Variants in RPN2 observed in about 807,000 individuals in gnomAD.
The protein encoded by RPN2 is dolichyl-diphosphooligosaccharide--protein glycosyltransferase subunit 2.
RPN2 carries 29 observed loss-of-function variants against 71.4 expected under a neutral mutation model. That is an observed-to-expected ratio of 0.41 (90% CI 0.30 to 0.55). The LOEUF (loss-of-function observed/expected upper bound fraction) is 0.55. RPN2 is among the 20% of genes least tolerant of loss of function. The probability of loss-of-function intolerance (pLI) is 0.35; values close to 1 mark genes in which losing one functional copy is unlikely to be tolerated. For missense variants in RPN2, 726 were observed against 774.1 expected (o/e 0.94, Z 0.74); for synonymous variants, 308 against 305.0 (o/e 1.01, Z -0.10).
chr20:37,225,770 G>A lies in RPN2; in HGVS notation c.1267G>A (p.Val423Met), dbSNP rs1202449270. 6.2e-7 allele frequency: 1 copy of A among 1,613,916 alleles called. No homozygotes were observed. The highest frequency in any genetic ancestry group is 8.5e-7 in the Non-Finnish European group (1 of 1,179,772). Residue 423 changes from valine (V) to methionine (M), a missense_variant, in exon 11 of 17, where the codon GTG becomes ATG. Transcript: ENST00000237530. The part of the protein sequence containing the change: ...NFALFFQLVD[V>M]NTGAELTPHQ... ...CGCCTTGTTCTTCCAGCTGGTAGAT[G>A]TGAACACTGGTGCTGAACTCACTCC...
At chr20:37,224,137 G>A (rs544880323) in intron 10 of RPN2, among the ~76,000 whole-genome samples, 168 bp downstream of exon 10, 1 of 152,180 alleles carries the variant, frequency 6.6e-6, no homozygotes, top group African/African-American at 2.4e-5. Flanking sequence ...GGGATTCTGC[G>A]AATTATCTAA....
chr20:37,181,482 C>T (rs1318180949), intron 1 of RPN2, among the ~76,000 whole-genome samples: 1 of 149,104 alleles, frequency 6.7e-6, no homozygotes, highest in Non-Finnish European at 1.5e-5. Flanking sequence ...TGCAGTGGCA[C>T]GATCTCAGCT....
intron 1 of RPN2, chr20:37,179,654 T>G (rs2066797200): frequency 1.8e-6 from 1 of 559,082 alleles, no homozygotes. Flanking sequence ...AGCCTAGGTC[T>G]GGCCTCATTC....
intron 10 of RPN2, among the ~76,000 whole-genome samples, chr20:37,224,913 T>C (rs2068042656): frequency 6.6e-6 from 1 of 152,228 alleles, no homozygotes; most frequent in South Asian, 2.1e-4. Flanking sequence ...ATAAGAGCAC[T>C]GTTTAAGAAT....
At chr20:37,186,012 T>A (rs2067000197) in intron 2 of RPN2, among the ~76,000 whole-genome samples, 1 of 152,258 alleles carries the variant, frequency 6.6e-6, no homozygotes, top group Non-Finnish European at 1.5e-5. Flanking sequence ...GCTAGCTGTC[T>A]GCTAGGAGTT....
intron 13 of RPN2, among the ~76,000 whole-genome samples, chr20:37,232,056 AG>A (rs888945043): frequency 6.6e-6 from 1 of 152,138 alleles, no homozygotes; most frequent in African/African-American, 2.4e-5. Flanking sequence ...AAGGGAATAA[AG>A]GGTTGGCCAA....
At chr20:37,222,689 GTT>G (rs2067990072) in intron 9 of RPN2, among the ~76,000 whole-genome samples, 3 of 152,218 alleles carry the variant, frequency 2.0e-5, no homozygotes, top group South Asian at 4.2e-4. Flanking sequence ...TTCCTTAAGT[GTT>G]ACATTCAAAC....
chr20:37,234,123 GTAAC>G (rs776643008), intron 15 of RPN2, 28 bp downstream of exon 15: 1 of 1,610,836 alleles, frequency 6.2e-7, no homozygotes, highest in African/African-American at 1.3e-5. Flanking sequence ...CTAATTACCT[GTAAC>G]GTCCTCTGAC....
chr20:37,201,413 T>C (rs1463810411), intron 4 of RPN2, among the ~76,000 whole-genome samples: 1 of 151,666 alleles, frequency 6.6e-6, no homozygotes, highest in Non-Finnish European at 1.5e-5. Flanking sequence ...GCCTTCTGAG[T>C]AGCTGGGACT....
intron 9 of RPN2, among the ~76,000 whole-genome samples, 164 bp downstream of exon 9, chr20:37,214,029 A>G (rs772942789): frequency 3.3e-5 from 5 of 152,264 alleles, no homozygotes; most frequent in African/African-American, 4.8e-5. Flanking sequence ...TGACAGACTT[A>G]GTAGCTAAGG....
intron 8 of RPN2, among the ~76,000 whole-genome samples, chr20:37,212,272 CTG>C (rs1369024268): frequency 6.6e-6 from 1 of 151,388 alleles, no homozygotes; most frequent in Non-Finnish European, 1.5e-5. Flanking sequence ...GAGGGAGACT[CTG>C]TCTCAAAAAC....
chr20:37,208,937 CT>C (rs2067587134), intron 7 of RPN2, among the ~76,000 whole-genome samples: 1 of 152,180 alleles, frequency 6.6e-6, no homozygotes, highest in South Asian at 2.1e-4. Flanking sequence ...CATTTTCTCC[CT>C]ACATACAACT....
chr20:37,204,058 A>G (rs1424426943), intron 5 of RPN2, 98 bp downstream of exon 5: 1 of 833,994 alleles, frequency 1.2e-6, no homozygotes, highest in African/African-American at 1.7e-5. Flanking sequence ...ACTACAGGTT[A>G]CATTGCTTCT....
intron 8 of RPN2, among the ~76,000 whole-genome samples, chr20:37,212,044 A>G (rs2067685701): frequency 6.6e-6 from 1 of 152,154 alleles, no homozygotes; most frequent in Non-Finnish European, 1.5e-5. Context: ...TGCTGGGATT[A>G]CAGTTGTAAG....
At chr20:37,196,504 A>G (rs371211939) in intron 2 of RPN2, among the ~76,000 whole-genome samples, 5 of 152,192 alleles carry the variant, frequency 3.3e-5, no homozygotes, top group African/African-American at 1.2e-4. Context: ...AAGTGCTGGT[A>G]TTACAGGTGT....
chr20:37,223,638 T>C (rs1300077137), intron 9 of RPN2, among the ~76,000 whole-genome samples: 3 of 151,056 alleles, frequency 2.0e-5, no homozygotes, highest in Non-Finnish European at 4.4e-5. Flanking sequence ...TCTTCTTCTT[T>C]TTTTTTTTTT....
chr20:37,234,683 T>C (rs976514142), intron 15 of RPN2, among the ~76,000 whole-genome samples: 1 of 60,950 alleles, frequency 1.6e-5, no homozygotes, highest in Non-Finnish European at 4.0e-5. Context: ...TTTTTGTTCG[T>C]TGTTTTTTTT....
chr20:37,201,321 A>T (rs2067385938), intron 4 of RPN2, among the ~76,000 whole-genome samples: 1 of 131,610 alleles, frequency 7.6e-6, no homozygotes, highest in Non-Finnish European at 1.5e-5. Context: ...TCACTGTGTC[A>T]TCTAGGCTGC....
At chr20:37,217,647 G>C (rs1444238349) in intron 9 of RPN2, among the ~76,000 whole-genome samples, 2 of 152,012 alleles carry the variant, frequency 1.3e-5, no homozygotes, top group Non-Finnish European at 2.9e-5. Flanking sequence ...AGGAAGAAAA[G>C]GATAGAGTGG....
Sources: allele counts gnomAD v4.1 joint callset (sites outside exome capture counted in the v4.1 genomes callset), GRCh38; gene constraint gnomAD v4.1.1; transcripts MANE v1.5; gene names NCBI Gene and HGNC (gene_info 2026-07-23, HGNC 2026-07-21).